The following TTC28 variants were observed in gnomAD, a reference collection of about 807,000 sequenced individuals.
TTC28 encodes the protein tetratricopeptide repeat protein 28.
A neutral mutation model predicts 198.0 loss-of-function variants in TTC28; 61 were observed. The observed-to-expected ratio is 0.31, with a 90% CI of 0.25 to 0.38. The LOEUF is 0.38. Among genes scored for constraint, TTC28 ranks in the 10% least tolerant of loss-of-function variants. The pLI, the probability that TTC28 is intolerant of heterozygous loss-of-function variation, is 1.00. For synonymous variants in TTC28, 1,171 were observed against 1,297.8 expected, an observed-to-expected ratio of 0.90 and a Z score of 2.10; for missense variants, 2,678 against 3,164.0, an observed-to-expected ratio of 0.85 and a Z score of 3.69.
chr22:28,334,680 C>A (rs1050516626), intron 2 of TTC28, among the ~76,000 whole-genome samples: 1 of 152,162 alleles, frequency 6.6e-6, no homozygotes, highest in Non-Finnish European at 1.5e-5. Flanking sequence ...ATATCCTTCA[C>A]CCACTTGTTA....
In TTC28 at chr22:28,447,170, C is replaced by T. The variant is rs76009777; in HGVS notation, c.382-140527G>A. ...AAGAGAGACATTTCTACTTTCTTTACTTCTGACTTGCTATATAACAAAAGT... is the reference window on the plus strand; with the variant it reads ...AAGAGAGACATTTCTACTTTCTTTATTTCTGACTTGCTATATAACAAAAGT... On this transcript the variant is annotated intron_variant, in intron 2 of 22. Transcript: ENST00000397906. Among the ~76,000 whole-genome samples the T allele has an allele frequency of 1.0e-3, 158 of 152,142 alleles. 1 individual carries two copies. The highest frequency in any genetic ancestry group is 3.5e-3 in the African/African-American group (147 of 41,510).
chr22:28,360,127 TTCTC>T (rs149471461), intron 2 of TTC28, among the ~76,000 whole-genome samples: 4 of 152,018 alleles, frequency 2.6e-5, no homozygotes, highest in Admixed American at 6.6e-5. Flanking sequence ...CTTCTCCTCT[TTCTC>T]TCTCTCTCCT....
chr22:28,085,540 G>T (rs371039298), intron 12 of TTC28, among the ~76,000 whole-genome samples: 2 of 152,140 alleles, frequency 1.3e-5, no homozygotes, highest in Admixed American at 1.3e-4. Flanking sequence ...ACAACCGGTA[G>T]CAGCCACTGC....
chr22:28,038,115 G>A (rs112997979), intron 12 of TTC28, among the ~76,000 whole-genome samples: 1 of 151,998 alleles, frequency 6.6e-6, no homozygotes, highest in Non-Finnish European at 1.5e-5. Context: ...ATAGATTCAA[G>A]GCCATCCCCA....
chr22:28,507,873 C>T (rs953073933), intron 2 of TTC28, among the ~76,000 whole-genome samples: 2 of 152,154 alleles, frequency 1.3e-5, no homozygotes, highest in Admixed American at 6.5e-5. Flanking sequence ...GAATTCGTCA[C>T]CACCAGGCCT....
At chr22:28,068,097 G>A (rs1028981975) in intron 12 of TTC28, among the ~76,000 whole-genome samples, 3 of 152,042 alleles carry the variant, frequency 2.0e-5, no homozygotes, top group African/African-American at 4.8e-5. Context: ...ACACCCACAC[G>A]TCTCAAACAT....
intron 2 of TTC28, among the ~76,000 whole-genome samples, chr22:28,349,825 C>T (rs748747444): frequency 1.3e-5 from 2 of 152,188 alleles, no homozygotes; most frequent in African/African-American, 2.4e-5. Flanking sequence ...ACCTAAAAAA[C>T]ATTTGAATTA....
intron 2 of TTC28, among the ~76,000 whole-genome samples, chr22:28,469,103 G>A (rs767521814): frequency 2.0e-5 from 3 of 152,150 alleles, no homozygotes; most frequent in Non-Finnish European, 4.4e-5. Context: ...TGTCCTGCAT[G>A]AGCCTTCCCC....
chr22:28,265,570 C>A (rs1446511294), intron 5 of TTC28, among the ~76,000 whole-genome samples: 24 of 152,138 alleles, frequency 1.6e-4, no homozygotes, highest in Admixed American at 1.6e-3. Flanking sequence ...GCTTTTGTTA[C>A]TATGTCAGTG....
chr22:28,122,092 T>C (rs1000799544), intron 6 of TTC28, among the ~76,000 whole-genome samples: 3 of 152,200 alleles, frequency 2.0e-5, no homozygotes, highest in Admixed American at 6.5e-5. Context: ...GTTCTCGAAC[T>C]CCTGACCTCA....
At chr22:28,385,474 A>T (rs1340251929) in intron 2 of TTC28, among the ~76,000 whole-genome samples, 1 of 151,736 alleles carries the variant, frequency 6.6e-6, no homozygotes, top group Admixed American at 6.6e-5. Flanking sequence ...TTTTAGTTTT[A>T]GGTTCACAGC....
At chr22:28,510,727 C>T (rs2048676484) in intron 2 of TTC28, among the ~76,000 whole-genome samples, 1 of 152,090 alleles carries the variant, frequency 6.6e-6, no homozygotes, top group South Asian at 2.1e-4. Context: ...TCTTCGTTTG[C>T]AGATGACATG....
intron 2 of TTC28, among the ~76,000 whole-genome samples, chr22:28,537,109 T>C (rs990007545): frequency 5.4e-5 from 8 of 149,182 alleles, no homozygotes; most frequent in Admixed American, 4.0e-4. Flanking sequence ...CTGGCTAACA[T>C]GGTGAAACCC....
chr22:28,078,883 G>C (rs1428182223), intron 12 of TTC28, among the ~76,000 whole-genome samples: 1 of 152,168 alleles, frequency 6.6e-6, no homozygotes, highest in African/African-American at 2.4e-5. Flanking sequence ...AACAAGAGCA[G>C]GGGGCAGAAC....
At chr22:28,548,746 G>C (rs1475319738) in intron 2 of TTC28, among the ~76,000 whole-genome samples, 1 of 152,138 alleles carries the variant, frequency 6.6e-6, no homozygotes, top group Non-Finnish European at 1.5e-5. Context: ...CATTATTATA[G>C]TTTAAAGTTT....
chr22:28,458,425 A>C (rs752582933), intron 2 of TTC28, among the ~76,000 whole-genome samples: 12 of 152,202 alleles, frequency 7.9e-5, no homozygotes, highest in Admixed American at 2.6e-4. Context: ...AAAATCCCAA[A>C]TGTATCTAAG....
chr22:28,258,538 A>G (rs1426363766), intron 5 of TTC28, among the ~76,000 whole-genome samples: 1 of 152,122 alleles, frequency 6.6e-6, no homozygotes, highest in African/African-American at 2.4e-5. Context: ...CAAACTCACA[A>G]CAAAGATGGA....
chr22:28,538,750 CAG>C (rs1471706889), intron 2 of TTC28, among the ~76,000 whole-genome samples: 5 of 151,306 alleles, frequency 3.3e-5, no homozygotes, highest in Admixed American at 2.6e-4. Flanking sequence ...TTAGTAGAGA[CAG>C]GGTTTCACCA....
intron 12 of TTC28, among the ~76,000 whole-genome samples, chr22:28,030,596 C>G (rs1939036635): frequency 6.6e-6 from 1 of 152,198 alleles, no homozygotes; most frequent in Non-Finnish European, 1.5e-5. Context: ...TGGGCTGTCA[C>G]CCCCGACTCT....
Sources: gnomAD v4.1 joint callset for allele counts (sites outside exome capture counted in the v4.1 genomes callset) on GRCh38, gnomAD v4.1.1 for gene constraint, MANE v1.5 for transcripts, NCBI Gene and HGNC (gene_info 2026-07-23, HGNC 2026-07-21) for gene names.